Variants in CROCC observed in about 807,000 individuals in gnomAD.
CROCC encodes ciliary rootlet coiled-coil, rootletin, also known as rootletin.
A neutral mutation model predicts 245.2 loss-of-function variants in CROCC; 180 were observed. The ratio of observed to expected loss-of-function variants is 0.73; its 90% CI spans 0.65 to 0.83. The LOEUF is 0.83. Ranked by LOEUF, CROCC falls within the 40% of genes least tolerant of loss-of-function variation. The pLI, the probability that CROCC is intolerant of heterozygous loss-of-function variation, is 0.00. For missense variants in CROCC, 2,688 were observed against 2,779.4 expected, an observed-to-expected ratio of 0.97 and a Z score of 0.74; for synonymous variants, 1,205 against 1,241.6, an observed-to-expected ratio of 0.97 and a Z score of 0.62.
chr1:16,948,070 C>T (rs2076088864), intron 17 of CROCC, among the ~76,000 whole-genome samples: 1 of 152,280 alleles, frequency 6.6e-6, no homozygotes. Flanking sequence ...AACTCCTGAC[C>T]TCAAGTGATC....
intron 17 of CROCC, 24 bp from the exon 18 acceptor site, chr1:16,948,307 A>T: frequency 2.6e-6 from 4 of 1,539,070 alleles, no homozygotes; most frequent in Non-Finnish European, 3.5e-6. Context: ...TGGGAGTGCT[A>T]CTCAGTCTCT....
upstream of CROCC, among the ~76,000 whole-genome samples, chr1:16,921,657 G>C (rs1313917556): frequency 6.6e-6 from 1 of 152,278 alleles, no homozygotes; most frequent in Non-Finnish European, 1.5e-5. Flanking sequence ...CTAGGACCCA[G>C]CAACCTGCGC....
Position 16,970,632 on chromosome 1 carries a change from C to A in CROCC, c.5653-4C>A. ...CCCTGATCTCCTGTGGCTCTCCTGC[C>A]TAGGTGGAGCGGGAGAAGCTTCGTA... On this transcript the variant is annotated splice_region_variant and splice_polypyrimidine_tract_variant and intron_variant, in intron 34 of 36. Coordinates refer to ENST00000375541, the MANE Select transcript of CROCC (RefSeq NM_014675.5). 1 of 1,541,362 alleles carries A rather than the reference C, an allele frequency of 6.5e-7. No individual in the cohort carries two copies. The highest frequency in any genetic ancestry group is 1.3e-5 in the South Asian group (1 of 79,414).
rs150054438 is a variant in CROCC, at chr1:16,970,706, G to T, written c.5723G>T (p.Arg1908Leu). 6.2e-7 allele frequency: 1 copy of T among 1,604,064 alleles called. No homozygotes were observed. Among genetic ancestry groups the T allele is most frequent in the African/African-American group, 1.3e-5 (1 of 74,658 alleles). Reference protein sequence around the residue: ...RLSAEKGRLDRTLTGAELELA... With the variant: ...RLSAEKGRLDLTLTGAELELA... ...AGCGCAGAGAAGGGCCGCCTGGACC[G>T]CACCCTCACGGGGGCTGAGCTGGAG... Residue 1908 changes from arginine (R) to leucine (L), a missense_variant, in exon 35 of 37, where the codon CGC becomes CTC. Coordinates refer to ENST00000375541, the MANE Select transcript of CROCC (RefSeq NM_014675.5).
At position 16,971,576 on chromosome 1, in the gene CROCC, G is replaced by C. The variant is rs1186208692; in HGVS notation, c.5896G>C (p.Ala1966Pro). 39 of 1,534,424 alleles carry C rather than the reference G, an allele frequency of 2.5e-5. No homozygotes were observed. Among genetic ancestry groups the C allele is most frequent in the Non-Finnish European group, 3.2e-5 (37 of 1,144,152 alleles). ...GGTGGAGCGGCTGCGCAGCGCCCAG[G>C]CGCAGACTGAGCGCACCCTGGAGGC... is the stretch of plus-strand genomic sequence containing the variant. ...QEVERLRSAQ[A>P]QTERTLEARE... Residue 1966 changes from alanine (A) to proline (P), a missense_variant, in exon 36 of 37, where the codon GCG becomes CCG. Ala to Pro is a conservative substitution (Grantham distance 27). This residue lies in a region of CROCC where 1,218 missense variants were observed against 1,286.3 expected (regional missense o/e 0.95). Coordinates refer to ENST00000375541, the MANE Select transcript of CROCC (RefSeq NM_014675.5).
Position 16,966,528 on chromosome 1 carries a change from A to T in CROCC, c.4817A>T (p.Glu1606Val), listed in dbSNP as rs2076421619. 1 of 1,514,350 alleles carries T rather than the reference A, an allele frequency of 6.6e-7. No homozygotes were observed. The highest frequency in any genetic ancestry group is 8.8e-7 in the Non-Finnish European group (1 of 1,134,592). 93.8% of individuals were successfully genotyped at this position (1,514,350 alleles called of 1,614,324 possible). A position where few individuals can be genotyped will look rare whatever the true frequency, so the allele number is the denominator to read the frequency against. ...RATLDQVATL[E>V]RSLQATESEL... ...ACGCTGGACCAGGTGGCCACACTGG[A>T]GAGGAGCCTGCAGGCCACCGAGAGC... Residue 1606 changes from glutamate to valine, a missense_variant, in exon 30 of 37, where the codon GAG becomes GTG. Glu to Val is a moderately radical substitution (Grantham distance 121, BLOSUM62 -2). Around this residue, in one of 9 missense-constraint regions of CROCC, gnomAD observed 1,218 missense variants for 1,286.3 expected, o/e 0.95. Coordinates refer to ENST00000375541, the MANE Select transcript of CROCC (RefSeq NM_014675.5). This position sits in a 1 kb window ranked among gnomAD's most constrained non-coding sequence, Gnocchi z 4.8.
At chr1:16,935,747 A>G (rs1201836982) in intron 8 of CROCC, among the ~76,000 whole-genome samples, 2 of 152,274 alleles carry the variant, frequency 1.3e-5, no homozygotes, top group Non-Finnish European at 2.9e-5. Flanking sequence ...TCTTGGCCAC[A>G]GAGTGTTCCA....
At chr1:16,933,952 G>T (rs1321443054) in intron 8 of CROCC, among the ~76,000 whole-genome samples, 3 of 152,400 alleles carry the variant, frequency 2.0e-5, no homozygotes, top group Non-Finnish European at 4.4e-5. Flanking sequence ...TTTGCTGGTT[G>T]CATCCTTATG....
At chr1:16,958,882 T>G in intron 26 of CROCC, 132 bp downstream of exon 26, 43 of 1,036,926 alleles carry the variant, frequency 4.1e-5, no homozygotes, top group East Asian at 5.3e-5. Context: ...CTTGAGACTC[T>G]TCCCCAGTTG....
intron 36 of CROCC, 78 bp downstream of exon 36, chr1:16,971,725 T>G: frequency 7.4e-7 from 1 of 1,348,430 alleles, no homozygotes; most frequent in Non-Finnish European, 9.8e-7. Context: ...AATCAAGACC[T>G]TGTGGGTATA....
At chr1:16,935,193 C>T (rs1273653609) in intron 8 of CROCC, among the ~76,000 whole-genome samples, 4 of 152,394 alleles carry the variant, frequency 2.6e-5, no homozygotes, top group Middle Eastern at 3.4e-3. Flanking sequence ...AGCCACCACG[C>T]CTGGCCTATC....
At chr1:16,947,963 C>G (rs1247420715) in intron 17 of CROCC, among the ~76,000 whole-genome samples, 3 of 152,270 alleles carry the variant, frequency 2.0e-5, no homozygotes, top group African/African-American at 7.2e-5. Flanking sequence ...CTCAGCGTCC[C>G]AAGTAGCAGG....
rs2076066826 is a variant in CROCC at position 16,947,084 on chromosome 1, G to A, written c.2514+93G>A. 10 of 1,178,820 alleles carry A rather than the reference G, an allele frequency of 8.5e-6. No individual in the cohort carries two copies. The South Asian group carries it at 1.4e-4, about 16-fold the overall frequency. The allele number at this position is 1,178,820 out of a possible 1,614,324, so 73.0% of individuals were successfully genotyped here. ...CATCCAGTCCTGGGTTAAGTCACAG[G>A]CACTGGAGCCTGCTTCTGGGTTAAA... On this transcript the variant is annotated intron_variant, in intron 17 of 36. Transcript: ENST00000375541.
At chr1:16,922,433 C>T (rs2075428916) in intron 1 of CROCC, among the ~76,000 whole-genome samples, 1 of 152,262 alleles carries the variant, frequency 6.6e-6, no homozygotes, top group African/African-American at 2.4e-5. Context: ...TGGGAGTTAC[C>T]CGTAGGGTTT....
chr1:16,935,883 T>A (rs1280689191), intron 8 of CROCC, among the ~76,000 whole-genome samples: 1 of 152,276 alleles, frequency 6.6e-6, no homozygotes, highest in Non-Finnish European at 1.5e-5. Flanking sequence ...ATCTCCTCTG[T>A]GCTGGGGTAT....
At chr1:16,928,895 C>T (rs1459526676) in intron 3 of CROCC, among the ~76,000 whole-genome samples, 4 of 152,312 alleles carry the variant, frequency 2.6e-5, no homozygotes, top group Admixed American at 2.0e-4. Context: ...GGCACGATCT[C>T]GGCTCACTGC....
chr1:16,945,066 C>G (rs2076015797), intron 14 of CROCC, among the ~76,000 whole-genome samples: 1 of 152,278 alleles, frequency 6.6e-6, no homozygotes, highest in African/African-American at 2.4e-5. Context: ...AATCCCGTCT[C>G]TACTAAAACT....
Position 16,946,944 on chromosome 1 carries a change from C to T in CROCC, c.2467C>T (p.Pro823Ser). 1 of 1,560,678 alleles carries T rather than the reference C, an allele frequency of 6.4e-7. No homozygotes were observed. Among genetic ancestry groups the T allele is most frequent in the South Asian group, 1.2e-5 (1 of 84,730 alleles). ...QAQEALEQQL[P>S]TLRHERSQLQ... Reference sequence around the variant, plus strand: ...CCAGGAGGCATTGGAGCAGCAGCTCCCCACGCTGCGCCATGAGCGCAGCCA... The same window carrying T: ...CCAGGAGGCATTGGAGCAGCAGCTCTCCACGCTGCGCCATGAGCGCAGCCA... The change falls in exon 17 of 37, where the codon CCC becomes TCC. Residue 823 changes from proline (P) to serine (S), a missense_variant. Pro to Ser is a moderately conservative substitution (Grantham distance 74). Transcript: ENST00000375541.
chr1:16,958,771 G>A (rs2076286338), intron 26 of CROCC, 21 bp downstream of exon 26: 2 of 1,545,450 alleles, frequency 1.3e-6, no homozygotes, highest in Non-Finnish European at 1.7e-6. Context: ...AGGCGGGCAG[G>A]CTGGTGCATC....
Sources: allele counts gnomAD v4.1 joint callset (sites outside exome capture counted in the v4.1 genomes callset), GRCh38; gene constraint gnomAD v4.1.1; regional missense constraint gnomAD v4.1.1; non-coding constraint Gnocchi (gnomAD v3.1); transcripts MANE v1.5; gene names NCBI Gene and HGNC (gene_info 2026-07-23, HGNC 2026-07-21).